The following DNAI7 variants were observed in gnomAD, a reference collection of about 807,000 sequenced individuals.
The protein encoded by DNAI7 is dynein axonemal intermediate chain 7, also known as cancer susceptibility 1.
Under a neutral mutation model 86.6 loss-of-function variants are expected in DNAI7, and 78 were observed. The ratio of observed to expected loss-of-function variants is 0.90; its 90% confidence interval spans 0.75 to 1.09. DNAI7 has a LOEUF of 1.09. Among genes scored for constraint, DNAI7 ranks in the 50% least tolerant of loss-of-function variants. The pLI, the probability that DNAI7 is intolerant of heterozygous loss-of-function variation, is 0.00. For synonymous variants in DNAI7, 274 were observed against 273.0 expected (o/e 1.00, Z -0.04); for missense variants, 753 against 810.2 (o/e 0.93, Z 0.86).
intron 1 of DNAI7, 144 bp downstream of exon 1, chr12:25,194,932 C>A (rs1447509017): frequency 6.2e-7 from 1 of 1,614,042 alleles, no homozygotes; most frequent in Non-Finnish European, 8.5e-7. Flanking sequence ...AGAAGAGGGC[C>A]GACCCACCCC....
Position 25,169,787 on chromosome 12 carries a change from G to A in DNAI7, c.22-8590C>T, listed in dbSNP as rs150881580. On this transcript the variant is annotated intron_variant, in intron 2 of 15. Transcript: ENST00000395987. ...CACTTGAAACCTAGAGGTGGAGGGT[G>A]CAGTGAGCTGAAATCACACCACTGT... is the stretch of plus-strand genomic sequence containing the variant. 2.3e-4 allele frequency among the ~76,000 whole-genome samples: 34 copies of A among 149,974 alleles called. No individual in the cohort carries two copies. In the East Asian group the frequency reaches 6.1e-3, roughly 27 times the overall value.
chr12:25,108,184 T>C (rs1592140217), downstream of DNAI7: 1 of 1,075,490 alleles, frequency 9.3e-7, no homozygotes, highest in African/African-American at 1.6e-5. Context: ...GACTGTAAGA[T>C]AGCTTACATT....
intron 9 of DNAI7, among the ~76,000 whole-genome samples, chr12:25,131,605 T>C (rs1248524673): frequency 1.3e-5 from 2 of 152,126 alleles, no homozygotes; most frequent in African/African-American, 4.8e-5. Flanking sequence ...AGTAACCAGC[T>C]TGCAGAATCC....
rs116759053 is a variant in DNAI7, at chr12:25,179,389, T to C, written c.21+11225A>G. On this transcript the variant is annotated intron_variant, in intron 2 of 15. Coordinates refer to ENST00000395987, the MANE Select transcript of DNAI7 (RefSeq NM_018272.5). ...TAATTCATTAGGTTTGTTTATCATG[T>C]TGCTCCAATCTTCTAAATCCTTACT... Among the ~76,000 whole-genome samples, 977 of 152,294 alleles carry C rather than the reference T, an allele frequency of 6.4e-3. 12 individuals carry two copies. The highest frequency in any genetic ancestry group is 0.022 in the African/African-American group (914 of 41,578).
intron 14 of DNAI7, among the ~76,000 whole-genome samples, chr12:25,110,904 C>T (rs191241263): frequency 1.6e-4 from 25 of 152,204 alleles, no homozygotes; most frequent in Admixed American, 3.9e-4. Context: ...TAGTGCCTAG[C>T]ACACAGTGTT....
chr12:25,143,635 C>T (rs1565710699), intron 9 of DNAI7, among the ~76,000 whole-genome samples: 1 of 152,162 alleles, frequency 6.6e-6, no homozygotes, highest in African/African-American at 2.4e-5. Flanking sequence ...CAATCTAATC[C>T]TTAATCCTTT....
chr12:25,134,352 CTTTTTTT>C (rs5797119), intron 9 of DNAI7, among the ~76,000 whole-genome samples: 1 of 91,178 alleles, frequency 1.1e-5, no homozygotes, highest in South Asian at 4.1e-4. Context: ...CCTTGGCGTA[CTTTTTTT>C]TTTTTTTTTT....
intron 6 of DNAI7, among the ~76,000 whole-genome samples, chr12:25,151,748 C>T (rs537579637): frequency 4.5e-4 from 68 of 152,294 alleles, no homozygotes; most frequent in Non-Finnish European, 8.7e-4. Flanking sequence ...CTTGGGCCTA[C>T]GGAAAGTCAG....
At position 25,146,992 on chromosome 12, in the gene DNAI7, C is replaced by T. The variant is rs1345895507; in HGVS notation, c.689+9G>A. 4 of 1,450,854 alleles carry T rather than the reference C, an allele frequency of 2.8e-6. No individual in the cohort carries two copies. The highest frequency in any genetic ancestry group is 2.3e-5 in the South Asian group (2 of 87,104). The allele number at this position is 1,450,854 out of a possible 1,614,324, so 89.9% of individuals were successfully genotyped here. ...CCACCTACAGGGAAAGTATTGCCCA[C>T]AAGGGTACCTTGGATTCTTCTTGAG... On this transcript the variant is annotated intron_variant, in intron 8 of 15. Transcript: ENST00000395987.
intron 9 of DNAI7, 122 bp downstream of exon 9, chr12:25,144,243 G>T: frequency 1.3e-6 from 1 of 779,794 alleles, no homozygotes. Flanking sequence ...TTGAGGCACT[G>T]GCAAGAAAGT....
chr12:25,191,348 G>T (rs1347448052), intron 1 of DNAI7, among the ~76,000 whole-genome samples: 1 of 151,690 alleles, frequency 6.6e-6, no homozygotes, highest in Non-Finnish European at 1.5e-5. Context: ...CAAGGCTGCA[G>T]CGAGCCATGA....
chr12:25,114,219 G>A (rs1439491978), intron 13 of DNAI7, among the ~76,000 whole-genome samples: 1 of 152,144 alleles, frequency 6.6e-6, no homozygotes, highest in African/African-American at 2.4e-5. Flanking sequence ...GATTCCAGGC[G>A]TGAGCCACTG....
intron 15 of DNAI7, among the ~76,000 whole-genome samples, chr12:25,109,652 A>G (rs1949627285): frequency 1.3e-5 from 2 of 152,192 alleles, no homozygotes; most frequent in African/African-American, 2.4e-5. Flanking sequence ...ACTTTATATA[A>G]TTTAGATTTA....
At chr12:25,142,759 T>C (rs983254091) in intron 9 of DNAI7, among the ~76,000 whole-genome samples, 2 of 152,134 alleles carry the variant, frequency 1.3e-5, no homozygotes, top group African/African-American at 4.8e-5. Flanking sequence ...GTTAATGGGG[T>C]TTAATTTTGT....
intron 2 of DNAI7, among the ~76,000 whole-genome samples, chr12:25,179,868 C>T (rs1949337617): frequency 6.6e-6 from 1 of 152,124 alleles, no homozygotes; most frequent in South Asian, 2.1e-4. Context: ...AAGCATTCCC[C>T]CTAAGAACTG....
intron 13 of DNAI7, among the ~76,000 whole-genome samples, chr12:25,114,221 G>A (rs187061445): frequency 2.4e-3 from 362 of 152,296 alleles, no homozygotes; most frequent in African/African-American, 8.0e-3. Context: ...TTCCAGGCGT[G>A]AGCCACTGCG....
intron 2 of DNAI7, among the ~76,000 whole-genome samples, chr12:25,182,074 G>A (rs566789273): frequency 5.3e-5 from 8 of 150,044 alleles, no homozygotes; most frequent in Admixed American, 1.3e-4. Flanking sequence ...TAGGCTGGGC[G>A]CGGTGGCTCA....
rs527479438 is a variant in DNAI7, at chr12:25,175,002, C to T, written c.22-13805G>A. ...GGCAAGGGATAGAAGACTACAAATA[C>T]GGTGCAGTGTATACTGCTCGGGTGA... On this transcript the variant is annotated intron_variant, in intron 2 of 15. Transcript: ENST00000395987. 1.3e-4 allele frequency among the ~76,000 whole-genome samples: 20 copies of T among 151,930 alleles called. No individual in the cohort carries two copies. The South Asian group carries it at 3.7e-3, about 28-fold the overall frequency.
At chr12:25,161,082 T>C (rs759047462) in intron 3 of DNAI7, 31 bp downstream of exon 3, 10 of 1,447,554 alleles carry the variant, frequency 6.9e-6, no homozygotes, top group Non-Finnish European at 9.7e-6. Context: ...ATTACCTGTA[T>C]AGGTAAATAG....
Sources: gnomAD v4.1 joint callset for allele counts (sites outside exome capture counted in the v4.1 genomes callset) on GRCh38, gnomAD v4.1.1 for gene constraint, MANE v1.5 for transcripts, NCBI Gene and HGNC (gene_info 2026-07-23, HGNC 2026-07-21) for gene names.